PHF14: variants seen among roughly 807,000 people sequenced by gnomAD.
PHF14 encodes PHD finger protein 14.
Under a neutral mutation model 117.9 loss-of-function variants are expected in PHF14, and 55 were observed. That is an observed-to-expected ratio of 0.47 (90% CI 0.38 to 0.58). The LOEUF is 0.58. Ranked by LOEUF, PHF14 falls within the 20% of genes least tolerant of loss-of-function variation. The pLI, the probability that PHF14 is intolerant of heterozygous loss-of-function variation, is 0.00. For synonymous variants in PHF14, 409 were observed against 368.6 expected, an observed-to-expected ratio of 1.11 and a Z score of -1.26; for missense variants, 978 against 1,122.2, an observed-to-expected ratio of 0.87 and a Z score of 1.84.
chr7:11,157,067 G>A (rs1179135477), intron 17 of PHF14, among the ~76,000 whole-genome samples: 1 of 152,078 alleles, frequency 6.6e-6, no homozygotes, highest in African/African-American at 2.4e-5. Context: ...TATACCTGAT[G>A]CACTTTATTA....
chr7:11,111,117 ATTTGT>A (rs927808252), intron 16 of PHF14: 4 of 395,084 alleles, frequency 1.0e-5, no homozygotes, highest in African/African-American at 6.2e-5. Flanking sequence ...TGTTCTAAAT[ATTTGT>A]TTTGTTTGTT....
intron 16 of PHF14, among the ~76,000 whole-genome samples, chr7:11,088,602 T>G (rs1242919938): frequency 6.6e-6 from 1 of 152,190 alleles, no homozygotes; most frequent in Non-Finnish European, 1.5e-5. Context: ...ACTGTTTTGG[T>G]TTTGTTAGTC....
intron 16 of PHF14, among the ~76,000 whole-genome samples, chr7:11,083,031 A>T (rs1376196768): frequency 6.6e-6 from 1 of 151,960 alleles, no homozygotes; most frequent in African/African-American, 2.4e-5. Context: ...GATGACTTCT[A>T]CCCCCTCTCC....
intron 17 of PHF14, among the ~76,000 whole-genome samples, chr7:11,140,556 T>G (rs952978694): frequency 3.9e-5 from 6 of 152,126 alleles, no homozygotes; most frequent in African/African-American, 1.4e-4. Flanking sequence ...TGTGATGAGA[T>G]CTTTCATTGT....
intron 3 of PHF14, among the ~76,000 whole-genome samples, chr7:10,989,996 A>G (rs1256812417): frequency 3.3e-5 from 5 of 152,180 alleles, no homozygotes; most frequent in South Asian, 4.1e-4. Context: ...ATTTCTTGAT[A>G]GAGACCTACT....
intron 16 of PHF14, among the ~76,000 whole-genome samples, chr7:11,087,182 G>A (rs988593367): frequency 2.1e-5 from 3 of 146,026 alleles, no homozygotes; most frequent in Non-Finnish European, 3.0e-5. Context: ...GTAATAGAAA[G>A]CACTGCCCTT....
At position 11,104,504 on chromosome 7, in the gene PHF14, T is replaced by G. The variant is rs943771131; in HGVS notation, c.2655-6846T>G. On this transcript the variant is annotated intron_variant, in intron 16 of 17. Coordinates refer to ENST00000634607, the MANE Select transcript of PHF14 (RefSeq NM_001007157.2). Reference sequence around the variant, plus strand: ...CTTAAGAAAATATGTACTAAATGATTCATATTTCACAGACCTACATAAGAA... The same window carrying G: ...CTTAAGAAAATATGTACTAAATGATGCATATTTCACAGACCTACATAAGAA... 4.1e-6 allele frequency: 4 copies of G among 980,840 alleles called. No homozygotes were observed. In the East Asian group the frequency reaches 4.5e-4, roughly 112 times the overall value. The allele number at this position is 980,840 out of a possible 1,614,324, so 60.8% of individuals were successfully genotyped here. A position where few individuals can be genotyped will look rare whatever the true frequency, so the allele number is the denominator to read the frequency against.
intron 16 of PHF14, among the ~76,000 whole-genome samples, chr7:11,094,490 G>T (rs1786771443): frequency 1.3e-5 from 2 of 152,018 alleles, no homozygotes; most frequent in Admixed American, 1.3e-4. Context: ...GCTCTTTCCT[G>T]TGATTATATC....
Position 11,094,423 on chromosome 7 carries a change from A to C in PHF14, c.2655-16927A>C, listed in dbSNP as rs73277668. 1.5e-3 allele frequency among the ~76,000 whole-genome samples: 235 copies of C among 152,206 alleles called. 2 individuals are homozygous for C. The highest frequency in any genetic ancestry group is 5.6e-3 in the African/African-American group (231 of 41,520). On this transcript the variant is annotated intron_variant, in intron 16 of 17. Coordinates refer to ENST00000634607, the MANE Select transcript of PHF14 (RefSeq NM_001007157.2). Reference sequence around the variant, plus strand: ...TCATGACCCCCAACTTCTTGCAGCTATAGTCACATCTATTTATCTCTCTGA... The same window carrying C: ...TCATGACCCCCAACTTCTTGCAGCTCTAGTCACATCTATTTATCTCTCTGA...
intron 6 of PHF14, among the ~76,000 whole-genome samples, chr7:11,024,102 T>A (rs114006010): frequency 0.013 from 1,990 of 152,242 alleles, 44 homozygotes; most frequent in African/African-American, 0.045. Context: ...GCTGCCTTAT[T>A]GCTGATAATG....
intron 17 of PHF14, among the ~76,000 whole-genome samples, chr7:11,116,398 G>T (rs1583478163): frequency 6.6e-6 from 1 of 152,020 alleles, no homozygotes; most frequent in African/African-American, 2.4e-5. Flanking sequence ...AGTAGAAAAA[G>T]CCAAGGACTG....
At chr7:11,087,066 G>A (rs528180624) in intron 16 of PHF14, among the ~76,000 whole-genome samples, 2 of 152,032 alleles carry the variant, frequency 1.3e-5, no homozygotes, top group South Asian at 2.1e-4. Flanking sequence ...ATAAATAAGG[G>A]TATACTTTGT....
At chr7:11,056,981 T>C (rs988692809) in intron 14 of PHF14, among the ~76,000 whole-genome samples, 25 of 152,034 alleles carry the variant, frequency 1.6e-4, no homozygotes, top group Non-Finnish European at 1.0e-4. Context: ...ATTTTGGAAT[T>C]TTGCCCATGA....
chr7:10,976,452 CAT>C (rs1189990443), intron 2 of PHF14, among the ~76,000 whole-genome samples: 1 of 152,074 alleles, frequency 6.6e-6, no homozygotes, highest in Non-Finnish European at 1.5e-5. Flanking sequence ...CTTTGACAAA[CAT>C]AGTTGGGTCG....
At chr7:11,121,687 C>G (rs1187148574) in intron 17 of PHF14, among the ~76,000 whole-genome samples, 1 of 152,040 alleles carries the variant, frequency 6.6e-6, no homozygotes, top group African/African-American at 2.4e-5. Flanking sequence ...GATCTAGTCA[C>G]TGAGACAGCT....
chr7:11,054,449 C>G (rs1189160947), intron 14 of PHF14, among the ~76,000 whole-genome samples: 1 of 152,102 alleles, frequency 6.6e-6, no homozygotes, highest in Non-Finnish European at 1.5e-5. Flanking sequence ...TGCGAGGTAT[C>G]ATACTAAACT....
chr7:11,107,039 T>C (rs1256185983), intron 16 of PHF14: 1 of 983,764 alleles, frequency 1.0e-6, no homozygotes, highest in Admixed American at 6.2e-5. Context: ...TGGCTATAAA[T>C]TATTTGCATA....
rs142751323 is a variant in PHF14 at position 11,064,721 on chromosome 7, A to G, written c.2654+2636A>G. Among the ~76,000 whole-genome samples, 44 of 152,142 alleles carry G rather than the reference A, an allele frequency of 2.9e-4. No individual in the cohort carries two copies. In the East Asian group the frequency reaches 7.1e-3, roughly 25 times the overall value. ...ATTTTTTATATCATTGAACAATTGCATGCAATTTGTCAGTACATTGTAATT... is the reference window on the plus strand; with the variant it reads ...ATTTTTTATATCATTGAACAATTGCGTGCAATTTGTCAGTACATTGTAATT... On this transcript the variant is annotated intron_variant, in intron 16 of 17. Coordinates refer to ENST00000634607, the MANE Select transcript of PHF14 (RefSeq NM_001007157.2).
chr7:10,996,394 C>G (rs1318708551), intron 4 of PHF14, among the ~76,000 whole-genome samples: 3 of 152,136 alleles, frequency 2.0e-5, no homozygotes, highest in East Asian at 3.9e-4. Flanking sequence ...ATGCTTGTAA[C>G]AAAGTCATCC....
Sources: allele counts gnomAD v4.1 joint callset (sites outside exome capture counted in the v4.1 genomes callset), GRCh38; gene constraint gnomAD v4.1.1; transcripts MANE v1.5; gene names NCBI Gene and HGNC (gene_info 2026-07-23, HGNC 2026-07-21).